LINGO2: variants seen among roughly 807,000 people sequenced by gnomAD.
LINGO2 encodes the protein leucine rich repeat and Ig domain containing 2.
LINGO2 carries 14 observed loss-of-function variants against 30.6 expected under a neutral mutation model. The ratio of observed to expected loss-of-function variants is 0.46; its 90% CI spans 0.30 to 0.72. The LOEUF is 0.72. Among genes scored for constraint, LINGO2 ranks in the 30% least tolerant of loss-of-function variants. LINGO2 has a pLI of 0.07. For synonymous variants in LINGO2, 317 were observed against 288.5 expected, an observed-to-expected ratio of 1.10 and a Z score of -1.00; for missense variants, 729 against 751.7, an observed-to-expected ratio of 0.97 and a Z score of 0.35.
chr9:27,997,044 A>G (rs374223780), intron 5 of LINGO2, among the ~76,000 whole-genome samples: 26 of 152,316 alleles, frequency 1.7e-4, no homozygotes, highest in East Asian at 1.5e-3. Flanking sequence ...TTTAAACTCC[A>G]AAAGAGGAAT....
chr9:28,443,483 G>T (rs954833771), intron 2 of LINGO2, among the ~76,000 whole-genome samples: 3 of 152,210 alleles, frequency 2.0e-5, no homozygotes, highest in Non-Finnish European at 4.4e-5. Flanking sequence ...ACGCATCCTT[G>T]TGCTGTTGGG....
At chr9:29,172,503 T>C in the LINGO2 span, among the ~76,000 whole-genome samples, 1 of 151,966 alleles carries the variant, frequency 6.6e-6, no homozygotes, top group Admixed American at 6.6e-5. Context: ...TAACATGAGA[T>C]AAATATATCA....
chr9:29,097,274 A>G, the LINGO2 span, among the ~76,000 whole-genome samples: 2 of 138,032 alleles, frequency 1.4e-5, 1 homozygote, highest in Non-Finnish European at 3.2e-5. Flanking sequence ...AGTAAATAGT[A>G]TGCTATTTCA....
At chr9:28,879,044 A>G in the LINGO2 span, among the ~76,000 whole-genome samples, 4 of 152,202 alleles carry the variant, frequency 2.6e-5, no homozygotes, top group African/African-American at 4.8e-5. Context: ...GAGGAAGTCA[A>G]ATTGTCCCTG....
chr9:28,606,465 TA>T (rs1191726244), intron 1 of LINGO2, among the ~76,000 whole-genome samples: 1 of 152,026 alleles, frequency 6.6e-6, no homozygotes, highest in Non-Finnish European at 1.5e-5. Flanking sequence ...ATAATACCAC[TA>T]TTCCTGTGAC....
chr9:28,501,479 G>C (rs13288611), intron 1 of LINGO2, among the ~76,000 whole-genome samples: 48,018 of 152,052 alleles, frequency 0.32, 7,741 homozygotes, highest in Admixed American at 0.35. Context: ...GTGGGGAAAA[G>C]GGCAATCTAA....
intron 5 of LINGO2, among the ~76,000 whole-genome samples, chr9:27,956,080 CA>C (rs58104294): frequency 0.54 from 82,644 of 151,750 alleles, 23,809 homozygotes; most frequent in Non-Finnish European, 0.62. Flanking sequence ...GCTGGGATCA[CA>C]AGGCGTGCGC....
At chr9:28,413,936 A>G (rs1214136073) in intron 2 of LINGO2, among the ~76,000 whole-genome samples, 3 of 151,994 alleles carry the variant, frequency 2.0e-5, no homozygotes, top group Non-Finnish European at 4.4e-5. Flanking sequence ...TATTAAATCA[A>G]TTAGTATTAA....
chr9:27,959,999 G>A (rs936076593), intron 5 of LINGO2, among the ~76,000 whole-genome samples: 5 of 151,916 alleles, frequency 3.3e-5, no homozygotes, highest in Non-Finnish European at 7.4e-5. Flanking sequence ...TTATCATTAG[G>A]AAGAATCCAT....
rs1442705232 is a variant in LINGO2, at chr9:28,428,094, T to G, written c.-279+47846A>C. 2.6e-5 allele frequency among the ~76,000 whole-genome samples: 4 copies of G among 152,250 alleles called. No homozygotes were observed. In the South Asian group the frequency reaches 8.3e-4, roughly 32 times the overall value. Reference sequence around the variant, plus strand: ...TCATTTCCCCAGGATTTTTTAACATTGCAAAATATTCCTTAATCATAAAAA... The same window carrying G: ...TCATTTCCCCAGGATTTTTTAACATGGCAAAATATTCCTTAATCATAAAAA... On this transcript the variant is annotated intron_variant, in intron 2 of 5. Coordinates refer to ENST00000379992, the Ensembl canonical transcript of LINGO2.
chr9:28,563,140 C>T (rs2135559579), intron 1 of LINGO2, among the ~76,000 whole-genome samples: 1 of 152,226 alleles, frequency 6.6e-6, no homozygotes, highest in South Asian at 2.1e-4. Context: ...AACCACATGC[C>T]TGGCCTGAAT....
intron 1 of LINGO2, among the ~76,000 whole-genome samples, chr9:28,569,535 G>A (rs1289321168): frequency 7.9e-5 from 12 of 150,982 alleles, no homozygotes; most frequent in Non-Finnish European, 1.8e-4. Context: ...GCCAGACACA[G>A]AAAGACAAAT....
intron 1 of LINGO2, among the ~76,000 whole-genome samples, chr9:28,552,887 A>G (rs1822382807): frequency 6.8e-6 from 1 of 146,380 alleles, no homozygotes; most frequent in Admixed American, 6.9e-5. Flanking sequence ...TCCAACATTA[A>G]AAAAAAAAAA....
the LINGO2 span, among the ~76,000 whole-genome samples, chr9:29,081,613 AT>A: frequency 9.8e-5 from 15 of 152,286 alleles, no homozygotes; most frequent in African/African-American, 3.6e-4. Context: ...AATAAAGGGT[AT>A]TCAATTAGGA....
chr9:28,834,001 G>A, the LINGO2 span, among the ~76,000 whole-genome samples: 1 of 150,750 alleles, frequency 6.6e-6, no homozygotes, highest in Non-Finnish European at 1.5e-5. Flanking sequence ...GCTCCTGGAT[G>A]TAGAAACTGT....
the LINGO2 span, among the ~76,000 whole-genome samples, chr9:28,983,747 C>A: frequency 6.6e-6 from 1 of 151,788 alleles, no homozygotes; most frequent in South Asian, 2.1e-4. Context: ...TCATAGAGTT[C>A]AAAAATCTTT....
the LINGO2 span, among the ~76,000 whole-genome samples, chr9:28,927,415 C>G: frequency 6.6e-6 from 1 of 152,024 alleles, no homozygotes; most frequent in Non-Finnish European, 1.5e-5. Context: ...TAAGGTAAAC[C>G]AATAAACCCA....
At chr9:28,895,889 A>C in the LINGO2 span, among the ~76,000 whole-genome samples, 1 of 152,306 alleles carries the variant, frequency 6.6e-6, no homozygotes, top group South Asian at 2.1e-4. Context: ...TCGGTCATCT[A>C]CATGGAAACA....
the LINGO2 span, among the ~76,000 whole-genome samples, chr9:29,098,123 A>C: frequency 6.6e-6 from 1 of 152,182 alleles, no homozygotes; most frequent in Non-Finnish European, 1.5e-5. Context: ...GCATAGTTGC[A>C]GGGTACAAAA....
Sources: gnomAD v4.1 joint callset for allele counts (sites outside exome capture counted in the v4.1 genomes callset) on GRCh38, gnomAD v4.1.1 for gene constraint, MANE v1.5 for transcripts, NCBI Gene and HGNC (gene_info 2026-07-23, HGNC 2026-07-21) for gene names.